Variants in WDPCP observed in about 807,000 individuals in gnomAD.
The protein encoded by WDPCP is WD repeat containing planar cell polarity effector.
Under a neutral mutation model 93.1 loss-of-function variants are expected in WDPCP, and 71 were observed. The observed-to-expected ratio is 0.76, with a 90% CI of 0.63 to 0.93. The LOEUF (loss-of-function observed/expected upper bound fraction) is 0.93. Among genes scored for constraint, WDPCP ranks in the 40% least tolerant of loss-of-function variants. The pLI is 0.00. For missense variants in WDPCP, 844 were observed against 887.4 expected, an observed-to-expected ratio of 0.95 and a Z score of 0.62; for synonymous variants, 315 against 315.0, an observed-to-expected ratio of 1.00 and a Z score of 0.00.
At chr2:63,333,946 T>G (rs11685941) in intron 12 of WDPCP, among the ~76,000 whole-genome samples, 86,643 of 151,562 alleles carry the variant, frequency 0.57, 25,114 homozygotes, top group Admixed American at 0.65. Flanking sequence ...TTTGAAATAA[T>G]GAAGGGGAAA....
chr2:63,788,219 T>G (rs1331429101), intron 2 of WDPCP, among the ~76,000 whole-genome samples: 1 of 152,060 alleles, frequency 6.6e-6, no homozygotes, highest in Non-Finnish European at 1.5e-5. Flanking sequence ...AAACAAGTAG[T>G]ATAATTTTCC....
At chr2:63,600,625 A>G (rs1226344872) in intron 3 of WDPCP, among the ~76,000 whole-genome samples, 4 of 152,198 alleles carry the variant, frequency 2.6e-5, no homozygotes, top group Non-Finnish European at 5.9e-5. Context: ...GGCTGCTATT[A>G]TTAGTTGATT....
At position 63,378,110 on chromosome 2, in the gene WDPCP, G is replaced by C. The variant is rs183172898; in HGVS notation, c.1748+276C>G. On this transcript the variant is annotated intron_variant, in intron 12 of 17. Transcript: ENST00000272321. ...TACTTAGTGCGAGTAGCACAATTCAGTTAATATTTCTACATTGACTTTACA... is the reference window on the plus strand; with the variant it reads ...TACTTAGTGCGAGTAGCACAATTCACTTAATATTTCTACATTGACTTTACA... 1.7e-5 allele frequency: 7 copies of C among 421,330 alleles called. No individual in the cohort carries two copies. The Admixed American group carries it at 2.5e-4, about 15-fold the overall frequency. The allele number at this position is 421,330 out of a possible 1,614,324, so 26.1% of individuals were successfully genotyped here.
At chr2:63,187,456 G>A (rs1435908007) in intron 14 of WDPCP, among the ~76,000 whole-genome samples, 3 of 152,042 alleles carry the variant, frequency 2.0e-5, no homozygotes, top group Admixed American at 6.6e-5. Context: ...TTCTGTTACT[G>A]TCTGTCTTTG....
At chr2:63,636,505 T>C (rs1346408216) in intron 3 of WDPCP, among the ~76,000 whole-genome samples, 3 of 152,146 alleles carry the variant, frequency 2.0e-5, no homozygotes, top group Non-Finnish European at 2.9e-5. Context: ...GGTGCAATCA[T>C]GGCTCACTGC....
intron 2 of WDPCP, among the ~76,000 whole-genome samples, chr2:63,748,218 T>C (rs569024471): frequency 4.3e-4 from 65 of 151,876 alleles, no homozygotes; most frequent in African/African-American, 1.6e-3. Context: ...TTATCCCTCT[T>C]TCAATCCTTA....
intron 17 of WDPCP, among the ~76,000 whole-genome samples, chr2:63,145,089 CA>C (rs1374357255): frequency 2.6e-5 from 4 of 152,166 alleles, no homozygotes; most frequent in Non-Finnish European, 5.9e-5. Flanking sequence ...GTTGTCTGCA[CA>C]GAGTCCTGTG....
chr2:63,327,176 AG>A (rs1316705172), intron 12 of WDPCP, among the ~76,000 whole-genome samples: 1 of 152,202 alleles, frequency 6.6e-6, no homozygotes, highest in African/African-American at 2.4e-5. Context: ...GTAAGTGATA[AG>A]GAAACTCTTG....
intron 13 of WDPCP, among the ~76,000 whole-genome samples, chr2:63,265,046 A>G (rs1681982618): frequency 6.6e-6 from 1 of 152,234 alleles, no homozygotes; most frequent in Non-Finnish European, 1.5e-5. Context: ...TATAAGATGC[A>G]GCAAAAGTAG....
At chr2:63,434,720 A>G (rs1697018872) in intron 8 of WDPCP, among the ~76,000 whole-genome samples, 1 of 152,136 alleles carries the variant, frequency 6.6e-6, no homozygotes, top group African/African-American at 2.4e-5. Flanking sequence ...GATTAAGCGC[A>G]TGGCTAAGCC....
chr2:63,307,169 T>A (rs985240033), intron 13 of WDPCP, among the ~76,000 whole-genome samples: 2 of 152,036 alleles, frequency 1.3e-5, no homozygotes, highest in African/African-American at 4.8e-5. Context: ...TACCTCAGAA[T>A]ACAACTGACA....
intron 2 of WDPCP, among the ~76,000 whole-genome samples, chr2:63,787,507 C>T (rs1015203898): frequency 2.0e-5 from 3 of 152,014 alleles, no homozygotes; most frequent in African/African-American, 7.3e-5. Context: ...ATTTAAGGGC[C>T]TCATTAATTA....
intron 2 of WDPCP, among the ~76,000 whole-genome samples, chr2:63,680,997 C>T (rs1710486179): frequency 1.3e-5 from 2 of 152,128 alleles, no homozygotes; most frequent in Admixed American, 6.5e-5. Flanking sequence ...GGATTCATCA[C>T]CTGCTGACCA....
chr2:63,482,654 G>A (rs1575501743), intron 6 of WDPCP, among the ~76,000 whole-genome samples: 1 of 152,076 alleles, frequency 6.6e-6, no homozygotes, highest in East Asian at 1.9e-4. Context: ...AGAAACTGAA[G>A]AAGTGAAGGG....
intron 12 of WDPCP, among the ~76,000 whole-genome samples, chr2:63,331,414 A>T (rs551417663): frequency 6.6e-6 from 1 of 152,336 alleles, no homozygotes; most frequent in South Asian, 2.1e-4. Flanking sequence ...TTCATGGAAC[A>T]GTCTGACTGT....
intron 14 of WDPCP, among the ~76,000 whole-genome samples, chr2:63,187,999 A>G (rs1032549665): frequency 6.6e-6 from 1 of 151,782 alleles, no homozygotes; most frequent in African/African-American, 2.4e-5. Context: ...TTTTTCTTTT[A>G]GCACTTTAAT....
intron 1 of WDPCP, among the ~76,000 whole-genome samples, chr2:63,507,477 T>C (rs1575547038): frequency 6.6e-6 from 1 of 152,000 alleles, no homozygotes. Context: ...CATGTATTAT[T>C]TTTAAGGAAG....
intron 3 of WDPCP, among the ~76,000 whole-genome samples, chr2:63,634,994 T>G (rs1002820566): frequency 5.9e-5 from 9 of 151,886 alleles, no homozygotes; most frequent in African/African-American, 2.2e-4. Context: ...CTAAATTAAG[T>G]AAGAAAAACA....
At chr2:63,605,136 G>A in intron 3 of WDPCP, 3 of 654,446 alleles carry the variant, frequency 4.6e-6, no homozygotes, top group African/African-American at 1.8e-5. Context: ...GATTGGTAAG[G>A]CTGACATTGG....
Sources: allele counts gnomAD v4.1 joint callset (sites outside exome capture counted in the v4.1 genomes callset), GRCh38; gene constraint gnomAD v4.1.1; transcripts MANE v1.5; gene names NCBI Gene and HGNC (gene_info 2026-07-23, HGNC 2026-07-21).